Variants in LIMK2 observed in about 807,000 individuals in gnomAD.
The protein encoded by LIMK2 is LIM domain kinase 2.
A neutral mutation model predicts 75.7 loss-of-function variants in LIMK2; 35 were observed. That is an observed-to-expected ratio of 0.46 (90% CI 0.35 to 0.61). The LOEUF (loss-of-function observed/expected upper bound fraction) is 0.61, where lower values mean the gene tolerates loss of function less well. LIMK2 is among the 20% of genes least tolerant of loss of function. The pLI is 0.00. For synonymous variants in LIMK2, 301 were observed against 319.2 expected, an observed-to-expected ratio of 0.94 and a Z score of 0.61; for missense variants, 623 against 831.0, an observed-to-expected ratio of 0.75 and a Z score of 3.08.
intron 11 of LIMK2, among the ~76,000 whole-genome samples, chr22:31,268,736 C>T (rs2048922926): frequency 6.6e-6 from 1 of 152,190 alleles, no homozygotes; most frequent in Admixed American, 6.5e-5. Flanking sequence ...ACTGAGTGCC[C>T]TCTATATGCT....
intron 1 of LIMK2, among the ~76,000 whole-genome samples, chr22:31,216,233 G>T (rs1242015187): frequency 3.9e-5 from 6 of 152,170 alleles, no homozygotes; most frequent in African/African-American, 1.4e-4. Flanking sequence ...TCTTAAATAG[G>T]CTTAAAGAAG....
intron 2 of LIMK2, among the ~76,000 whole-genome samples, chr22:31,238,096 C>CA: frequency 8.1e-6 from 1 of 123,158 alleles, no homozygotes; most frequent in South Asian, 2.5e-4. Flanking sequence ...GCCTGGGTGA[C>CA]AGAGGGAGAC....
chr22:31,222,279 A>G (rs1298690352), intron 1 of LIMK2, among the ~76,000 whole-genome samples: 2 of 148,072 alleles, frequency 1.4e-5, no homozygotes, highest in East Asian at 4.0e-4. Context: ...CATGTTGGTC[A>G]TGGCTGGTCT....
intron 2 of LIMK2, among the ~76,000 whole-genome samples, chr22:31,249,455 G>A (rs1302460357): frequency 6.6e-6 from 1 of 152,142 alleles, no homozygotes; most frequent in Non-Finnish European, 1.5e-5. Flanking sequence ...GCCTCTCTCT[G>A]TGGGGCTTCT....
chr22:31,248,825 G>A, intron 2 of LIMK2: 2 of 1,567,946 alleles, frequency 1.3e-6, no homozygotes, highest in Non-Finnish European at 1.8e-6. Flanking sequence ...GTCCTGAGAG[G>A]AGGGTGGTCT....
chr22:31,252,027 C>G (rs1168454649), intron 2 of LIMK2, among the ~76,000 whole-genome samples: 1 of 152,176 alleles, frequency 6.6e-6, no homozygotes, highest in Non-Finnish European at 1.5e-5. Context: ...AGGGCTTATG[C>G]TTTAACATGT....
At chr22:31,256,870 G>A (rs1601428594) in intron 2 of LIMK2, among the ~76,000 whole-genome samples, 2 of 152,138 alleles carry the variant, frequency 1.3e-5, no homozygotes, top group South Asian at 4.2e-4. Flanking sequence ...GAAGGAGCTA[G>A]AAGGAAAGAG....
chr22:31,266,208 C>A, intron 8 of LIMK2, 76 bp downstream of exon 8: 1 of 1,433,130 alleles, frequency 7.0e-7, no homozygotes, highest in Non-Finnish European at 9.7e-7. Flanking sequence ...TTTCTCATCA[C>A]TTGGCCCCAC....
rs368144712 is a variant in LIMK2, at chr22:31,276,783, T to A, written c.1772+1475T>A. The stretch of plus-strand genomic sequence containing the variant: ...TGGCGGCCAAGGACCACGCATCTAC[T>A]TTCAGAGCCCCCCCCGGGGCCGCAG... On this transcript the variant is annotated intron_variant, in intron 15 of 15. Coordinates refer to ENST00000331728, the MANE Select transcript of LIMK2 (RefSeq NM_005569.4). 42 of 1,605,990 alleles carry A rather than the reference T, an allele frequency of 2.6e-5. No individual in the cohort carries two copies. In the African/African-American group the frequency reaches 5.4e-4, roughly 20 times the overall value.
At position 31,272,641 on chromosome 22, in the gene LIMK2, G is replaced by A. The variant is rs762609949; in HGVS notation, c.1495G>A (p.Asp499Asn). The A allele has an allele frequency of 6.2e-6, 10 of 1,613,762 alleles. No individual in the cohort carries two copies. The highest frequency in any genetic ancestry group is 8.5e-6 in the Non-Finnish European group (10 of 1,179,958). The change falls in exon 13 of 16, where the codon GAC becomes AAC. Residue 499 changes from aspartate to asparagine, a missense_variant. Around this residue, in one of 3 missense-constraint regions of LIMK2, gnomAD observed 514 missense variants for 661.3 expected, o/e 0.78. Coordinates refer to ENST00000331728, the MANE Select transcript of LIMK2 (RefSeq NM_005569.4). ...TTKKRTLRKN[D>N]RKKRYTVVGN... Reference sequence around the variant, plus strand: ...CAAGAAACGCACCTTGCGCAAGAACGACCGCAAGAAGCGCTACACGGTGGT... The same window carrying A: ...CAAGAAACGCACCTTGCGCAAGAACAACCGCAAGAAGCGCTACACGGTGGT...
chr22:31,247,816 G>GGGC (rs907384913), intron 2 of LIMK2, among the ~76,000 whole-genome samples: 5 of 152,116 alleles, frequency 3.3e-5, no homozygotes, highest in Non-Finnish European at 5.9e-5. Context: ...TTAATACTCT[G>GGGC]GGCCTTGTTT....
intron 7 of LIMK2, among the ~76,000 whole-genome samples, chr22:31,263,227 A>C (rs899806946): frequency 1.3e-5 from 2 of 152,204 alleles, no homozygotes; most frequent in African/African-American, 4.8e-5. Flanking sequence ...CAAACCCCAG[A>C]TTCTGCCAGG....
intron 1 of LIMK2, among the ~76,000 whole-genome samples, chr22:31,218,735 C>T (rs1047928713): frequency 6.6e-6 from 1 of 152,130 alleles, no homozygotes; most frequent in Non-Finnish European, 1.5e-5. Context: ...TCTGCTTTGT[C>T]CCAGAACAAG....
intron 2 of LIMK2, among the ~76,000 whole-genome samples, chr22:31,250,167 C>A (rs2048711083): frequency 6.6e-6 from 1 of 152,056 alleles, no homozygotes; most frequent in Non-Finnish European, 1.5e-5. Flanking sequence ...TTCTAAAGAG[C>A]CAATGGAAAT....
intron 4 of LIMK2, 34 bp from the exon 5 acceptor site, chr22:31,259,855 T>C (rs2048819894): frequency 1.3e-6 from 2 of 1,576,222 alleles, no homozygotes; most frequent in Non-Finnish European, 1.7e-6. Context: ...TGTGGGACTC[T>C]AGCATCTTAT....
intron 15 of LIMK2, chr22:31,276,827 C>CGGATGATGA: frequency 6.2e-7 from 1 of 1,611,770 alleles, no homozygotes; most frequent in Non-Finnish European, 8.5e-7. Context: ...CCGGGCTGCG[C>CGGATGATGA]GGATGATGAG....
chr22:31,212,530 C>A, intron 1 of LIMK2, 106 bp downstream of exon 1: 1 of 1,139,560 alleles, frequency 8.8e-7, no homozygotes, highest in Non-Finnish European at 1.1e-6. Flanking sequence ...CTGGTTGGGT[C>A]CTCGTGGGTC....
Position 31,278,324 on chromosome 22 carries a change from C to A in LIMK2, c.1800C>A (p.Ser600=). 1.9e-6 allele frequency: 3 copies of A among 1,613,460 alleles called. No individual in the cohort carries two copies. The South Asian group carries it at 3.3e-5, about 18-fold the overall frequency. Residue 600 remains serine, a synonymous_variant, in exon 16 of 16, where the codon TCC becomes TCA. Coordinates refer to ENST00000331728, the MANE Select transcript of LIMK2 (RefSeq NM_005569.4). ...SRPAFSKLED[S]FEALSLYLGE... ...CAGCATTCTCGAAATTGGAGGACTC[C>A]TTTGAGGCCCTCTCCCTGTACCTGG...
chr22:31,271,009 T>C, intron 11 of LIMK2, 127 bp from the exon 12 acceptor site: 1 of 777,588 alleles, frequency 1.3e-6, no homozygotes, highest in Non-Finnish European at 2.3e-6. Flanking sequence ...CTGGCCCTGT[T>C]GTCCAGGTTG....
Sources: gnomAD v4.1 joint callset for allele counts (sites outside exome capture counted in the v4.1 genomes callset) on GRCh38, gnomAD v4.1.1 for gene constraint, gnomAD v4.1.1 regional missense constraint, MANE v1.5 for transcripts, NCBI Gene and HGNC (gene_info 2026-07-23, HGNC 2026-07-21) for gene names.